Variants in VAV3 observed in about 807,000 individuals in gnomAD.
VAV3 encodes the protein vav guanine nucleotide exchange factor 3.
A neutral mutation model predicts 131.2 loss-of-function variants in VAV3; 94 were observed. That is an observed-to-expected ratio of 0.72 (90% confidence interval 0.61 to 0.85). VAV3 has a LOEUF of 0.85. VAV3 is among the 40% of genes least tolerant of loss of function. The pLI is 0.00. For missense variants in VAV3, 939 were observed against 1,002.7 expected (o/e 0.94, Z 0.86); for synonymous variants, 349 against 342.0 (o/e 1.02, Z -0.22).
chr1:107,954,934 T>C (rs1674735633), intron 1 of VAV3, among the ~76,000 whole-genome samples: 1 of 152,202 alleles, frequency 6.6e-6, no homozygotes, highest in Non-Finnish European at 1.5e-5. Flanking sequence ...TCAGAGAGTA[T>C]CCACCACATG....
At chr1:107,821,606 G>C (rs1667795000) in intron 2 of VAV3, among the ~76,000 whole-genome samples, 3 of 152,186 alleles carry the variant, frequency 2.0e-5, no homozygotes, top group Non-Finnish European at 1.5e-5. Context: ...GTAGACAGCT[G>C]ACACGTCCAC....
intron 19 of VAV3, among the ~76,000 whole-genome samples, chr1:107,676,460 T>G (rs1404181562): frequency 6.6e-6 from 1 of 152,190 alleles, no homozygotes; most frequent in Admixed American, 6.5e-5. Context: ...GTGAGGTGCA[T>G]GTTGACAAGA....
rs1239760036 is a variant in VAV3 at position 107,749,538 on chromosome 1, T to C, written c.1316A>G (p.Tyr439Cys). The C allele has an allele frequency of 1.2e-6, 2 of 1,612,324 alleles. No homozygotes were observed. Among genetic ancestry groups the C allele is most frequent in the East Asian group, 2.2e-5 (1 of 44,736 alleles). The part of the protein sequence containing the change: ...VIVCKRKGDN[Y>C]EMKEIIDLQQ... Reference sequence around the variant, plus strand: ...AAGATCTATTATTTCCTTCATTTCATAGTTATCACCTTTTCTCTTACATAC... The same window carrying C: ...AAGATCTATTATTTCCTTCATTTCACAGTTATCACCTTTTCTCTTACATAC... Residue 439 changes from tyrosine (Y) to cysteine (C), a missense_variant, in exon 14 of 27, where the codon TAT becomes TGT. Transcript: ENST00000370056.
intron 18 of VAV3, among the ~76,000 whole-genome samples, chr1:107,684,135 T>C (rs894579090): frequency 2.1e-4 from 32 of 152,366 alleles, no homozygotes; most frequent in African/African-American, 7.7e-4. Flanking sequence ...AAAATGAATC[T>C]GTAAGAAAAC....
At chr1:107,905,900 G>A (rs1209669724) in intron 1 of VAV3, among the ~76,000 whole-genome samples, 2 of 151,974 alleles carry the variant, frequency 1.3e-5, no homozygotes, top group Admixed American at 6.6e-5. Context: ...AGTCAAGCAG[G>A]ACTGCCCATG....
intron 20 of VAV3, among the ~76,000 whole-genome samples, chr1:107,639,802 T>C (rs1033049135): frequency 8.6e-5 from 13 of 151,848 alleles, no homozygotes; most frequent in Admixed American, 2.0e-4. Flanking sequence ...GGCATGGTGA[T>C]ACATGCCTGT....
chr1:107,601,830 C>T (rs958840775), intron 24 of VAV3, among the ~76,000 whole-genome samples: 52 of 152,194 alleles, frequency 3.4e-4, no homozygotes, highest in African/African-American at 1.1e-3. Flanking sequence ...TGACAATATA[C>T]TATTTCCATT....
chr1:107,840,081 C>T (rs185881283), intron 2 of VAV3, among the ~76,000 whole-genome samples: 207 of 152,210 alleles, frequency 1.4e-3, no homozygotes, highest in Non-Finnish European at 2.6e-3. Context: ...TTCTACCAAA[C>T]GTTCAAGGAA....
Position 107,755,530 on chromosome 1 carries a change from A to G in VAV3, c.1087-17T>C. The G allele has an allele frequency of 1.9e-6, 3 of 1,589,352 alleles. No homozygotes were observed. The South Asian group carries it at 3.4e-5, about 18-fold the overall frequency. On this transcript the variant is annotated splice_polypyrimidine_tract_variant and intron_variant, in intron 11 of 26. Transcript: ENST00000370056. ...TGCCAAGTCCTAGACAATAAAGAAA[A>G]GGGTAGAAAAAGAAGGCACACTAAG...
At chr1:107,881,976 T>C (rs1670803360) in intron 1 of VAV3, among the ~76,000 whole-genome samples, 1 of 152,222 alleles carries the variant, frequency 6.6e-6, no homozygotes, top group Non-Finnish European at 1.5e-5. Flanking sequence ...TTTCTCTATG[T>C]GTAAAAGCCA....
intron 1 of VAV3, among the ~76,000 whole-genome samples, chr1:107,928,725 A>G (rs1183626910): frequency 6.6e-6 from 1 of 152,212 alleles, no homozygotes; most frequent in East Asian, 1.9e-4. Flanking sequence ...GAAAAAAAAG[A>G]ATAAACAACA....
At chr1:107,838,224 A>C (rs2100913087) in intron 2 of VAV3, among the ~76,000 whole-genome samples, 2 of 152,330 alleles carry the variant, frequency 1.3e-5, no homozygotes, top group Middle Eastern at 6.8e-3. Flanking sequence ...ACAAAGCTCT[A>C]ATAGCCAGAA....
intron 25 of VAV3, 122 bp from the exon 26 acceptor site, chr1:107,574,320 G>A (rs1004017073): frequency 3.3e-6 from 4 of 1,207,370 alleles, no homozygotes; most frequent in East Asian, 2.5e-5. Context: ...ACAGACCAGC[G>A]ATAATGGCAG....
At chr1:107,684,171 T>A (rs1323066623) in intron 18 of VAV3, among the ~76,000 whole-genome samples, 1 of 152,208 alleles carries the variant, frequency 6.6e-6, no homozygotes, top group African/African-American at 2.4e-5. Flanking sequence ...AAATTACAGA[T>A]GAAACACAAA....
chr1:107,690,427 T>C (rs1199127106), intron 17 of VAV3, among the ~76,000 whole-genome samples: 2 of 152,040 alleles, frequency 1.3e-5, no homozygotes, highest in East Asian at 3.9e-4. Context: ...TCTTCATATC[T>C]TGTGCAGGGT....
chr1:107,664,045 G>A (rs570618957), intron 19 of VAV3, among the ~76,000 whole-genome samples: 2 of 151,952 alleles, frequency 1.3e-5, no homozygotes, highest in East Asian at 3.9e-4. Flanking sequence ...TAGTAAAATA[G>A]GACTGCTGGC....
At chr1:107,866,183 C>T (rs1031331224) in intron 2 of VAV3, among the ~76,000 whole-genome samples, 1 of 152,170 alleles carries the variant, frequency 6.6e-6, no homozygotes. Context: ...ACTTTCCTTT[C>T]TTTCCTGTTC....
chr1:107,912,756 G>A (rs1307340916), intron 1 of VAV3, among the ~76,000 whole-genome samples: 1 of 152,208 alleles, frequency 6.6e-6, no homozygotes, highest in African/African-American at 2.4e-5. Context: ...AACAGCAGGT[G>A]CACTACTAGG....
intron 2 of VAV3, among the ~76,000 whole-genome samples, chr1:107,812,755 ATGTCATGTT>A (rs1169227684): frequency 1.3e-5 from 2 of 152,170 alleles, no homozygotes; most frequent in African/African-American, 4.8e-5. Context: ...AAATAAGTCT[ATGTCATGTT>A]TTTTTCCCTT....
Sources: allele counts gnomAD v4.1 joint callset (sites outside exome capture counted in the v4.1 genomes callset), GRCh38; gene constraint gnomAD v4.1.1; transcripts MANE v1.5; gene names NCBI Gene and HGNC (gene_info 2026-07-23, HGNC 2026-07-21).